USH2A: variants seen among roughly 807,000 people sequenced by gnomAD.
USH2A encodes the protein Usher syndrome 2A (autosomal recessive, mild).
USH2A carries 443 observed loss-of-function variants against 538.9 expected under a neutral mutation model. The ratio of observed to expected loss-of-function variants is 0.82; its 90% CI spans 0.76 to 0.89. USH2A has a LOEUF of 0.89. Ranked by LOEUF, USH2A falls within the 40% of genes least tolerant of loss-of-function variation. The probability of loss-of-function intolerance (pLI) is 0.00; values close to 1 mark genes in which losing one functional copy is unlikely to be tolerated. For missense variants in USH2A, 6,633 were observed against 6,324.8 expected, an observed-to-expected ratio of 1.05 and a Z score of -1.65; for synonymous variants, 2,413 against 2,273.5, an observed-to-expected ratio of 1.06 and a Z score of -1.75.
chr1:216,364,612 G>A (rs766877973), intron 4 of USH2A, among the ~76,000 whole-genome samples: 4 of 152,130 alleles, frequency 2.6e-5, no homozygotes, highest in Admixed American at 6.5e-5. Context: ...AGAGGAGAAG[G>A]CCACATGAAG....
chr1:215,683,528 C>G (rs551068425), intron 61 of USH2A, among the ~76,000 whole-genome samples: 1 of 152,236 alleles, frequency 6.6e-6, no homozygotes, highest in East Asian at 1.9e-4. Flanking sequence ...CATTTACGTA[C>G]TAAGTTTCTT....
chr1:215,980,426 A>G (rs958700019), intron 35 of USH2A, among the ~76,000 whole-genome samples: 10 of 152,174 alleles, frequency 6.6e-5, no homozygotes, highest in Non-Finnish European at 1.2e-4. Flanking sequence ...ACATTTTAAA[A>G]ATCACGTAAT....
At chr1:215,826,705 A>C (rs980392174) in intron 47 of USH2A, among the ~76,000 whole-genome samples, 1 of 152,192 alleles carries the variant, frequency 6.6e-6, no homozygotes, top group Admixed American at 6.5e-5. Flanking sequence ...AGGATAGCCA[A>C]AACAGTGTGT....
intron 20 of USH2A, among the ~76,000 whole-genome samples, chr1:216,183,149 G>T (rs1489469856): frequency 1.3e-5 from 2 of 152,026 alleles, no homozygotes; most frequent in African/African-American, 4.8e-5. Flanking sequence ...GGGCATTCCT[G>T]AACTTCTCTG....
At chr1:216,219,484 C>A (rs1208710637) in intron 14 of USH2A, among the ~76,000 whole-genome samples, 1 of 152,008 alleles carries the variant, frequency 6.6e-6, no homozygotes, top group African/African-American at 2.4e-5. Flanking sequence ...AGCAAATAAG[C>A]TACAAATTTG....
At chr1:215,782,633 C>CCGA in intron 53 of USH2A, 105 bp downstream of exon 53, 1 of 1,191,406 alleles carries the variant, frequency 8.4e-7, no homozygotes, top group African/African-American at 1.5e-5. Flanking sequence ...ACATACTTTT[C>CCGA]TAGTGGTTAG....
intron 14 of USH2A, among the ~76,000 whole-genome samples, chr1:216,227,845 T>A (rs971521010): frequency 6.6e-6 from 1 of 152,192 alleles, no homozygotes; most frequent in African/African-American, 2.4e-5. Context: ...TACATGGTAG[T>A]GCTTCAGATC....
chr1:215,799,556 TG>T (rs1662258137), intron 49 of USH2A, among the ~76,000 whole-genome samples: 1 of 152,194 alleles, frequency 6.6e-6, no homozygotes, highest in Non-Finnish European at 1.5e-5. Flanking sequence ...ATACTCCCAT[TG>T]GGAAGGTTAA....
intron 29 of USH2A, 132 bp downstream of exon 29, chr1:216,072,757 A>G: frequency 1.1e-6 from 1 of 878,426 alleles, no homozygotes; most frequent in Non-Finnish European, 1.9e-6. Flanking sequence ...ATGTATTTTC[A>G]AACCAAGGCA....
At chr1:215,980,642 G>A (rs1442209909) in intron 35 of USH2A, among the ~76,000 whole-genome samples, 2 of 151,956 alleles carry the variant, frequency 1.3e-5, no homozygotes, top group Non-Finnish European at 2.9e-5. Context: ...CTTTTCTACT[G>A]AGAAATGCAT....
At chr1:215,780,999 A>T (rs192769990) in intron 54 of USH2A, among the ~76,000 whole-genome samples, 1 of 152,334 alleles carries the variant, frequency 6.6e-6, no homozygotes, top group East Asian at 1.9e-4. Flanking sequence ...TCCTCTGTCA[A>T]GGCTGGCTTC....
At chr1:215,679,174 G>A (rs916705974) in intron 62 of USH2A, among the ~76,000 whole-genome samples, 13 of 152,212 alleles carry the variant, frequency 8.5e-5, no homozygotes, top group African/African-American at 2.9e-4. Flanking sequence ...GGGACTGTGA[G>A]CTCTAGTTAC....
At chr1:215,976,315 C>T (rs1667618313) in intron 35 of USH2A, among the ~76,000 whole-genome samples, 1 of 152,024 alleles carries the variant, frequency 6.6e-6, no homozygotes, top group Admixed American at 6.6e-5. Context: ...TTTCTTGTGC[C>T]TGATTGCTCT....
intron 20 of USH2A, among the ~76,000 whole-genome samples, chr1:216,181,945 G>C (rs912121751): frequency 1.3e-5 from 2 of 152,058 alleles, no homozygotes; most frequent in African/African-American, 4.8e-5. Flanking sequence ...TAGAAGTCTG[G>C]CTTCTCAGAA....
At chr1:215,994,881 A>C (rs1668097057) in intron 34 of USH2A, among the ~76,000 whole-genome samples, 1 of 152,188 alleles carries the variant, frequency 6.6e-6, no homozygotes, top group South Asian at 2.1e-4. Context: ...AAAAGAGGCC[A>C]TATGAGACAG....
Position 216,131,868 on chromosome 1 carries a change from C to T in USH2A, c.4628-34655G>A, listed in dbSNP as rs114139454. ...CTTATGTTTGTTATTTTATGTGAGG[C>T]ACTCTTCTAGATGCTTTATACATAT... is the stretch of plus-strand genomic sequence containing the variant. On this transcript the variant is annotated intron_variant, in intron 21 of 71. Transcript: ENST00000307340. Among the ~76,000 whole-genome samples, 620 of 152,176 alleles carry T rather than the reference C, an allele frequency of 4.1e-3. 2 individuals carry two copies. The highest frequency in any genetic ancestry group is 6.1e-3 in the African/African-American group (254 of 41,542).
At chr1:215,838,908 T>C (rs1003415921) in intron 46 of USH2A, among the ~76,000 whole-genome samples, 1 of 152,214 alleles carries the variant, frequency 6.6e-6, no homozygotes, top group African/African-American at 2.4e-5. Context: ...GCATCTAATA[T>C]ATAAATAGAG....
chr1:215,754,282 G>A (rs975500106), intron 58 of USH2A, among the ~76,000 whole-genome samples: 3 of 152,048 alleles, frequency 2.0e-5, no homozygotes, highest in Non-Finnish European at 2.9e-5. Flanking sequence ...CAGTATCACG[G>A]GTACTCTTCC....
In USH2A at chr1:215,824,381, G is replaced by A. The variant is rs906964155; in HGVS notation, c.9372-7186C>T. On this transcript the variant is annotated intron_variant, in intron 47 of 71. Transcript: ENST00000307340. The stretch of plus-strand genomic sequence containing the variant: ...TCTTTCATTTTTTTTAATTCACTGG[G>A]TCACTGCCTCCTTTTTGGCACTAGA... Among the ~76,000 whole-genome samples the A allele has an allele frequency of 5.3e-5, 8 of 151,874 alleles. No homozygotes were observed. In the South Asian group the frequency reaches 1.7e-3, roughly 32 times the overall value.
Sources: allele counts gnomAD v4.1 joint callset (sites outside exome capture counted in the v4.1 genomes callset), GRCh38; gene constraint gnomAD v4.1.1; transcripts MANE v1.5; gene names NCBI Gene and HGNC (gene_info 2026-07-23, HGNC 2026-07-21).